Variants in RARB observed in about 807,000 individuals in gnomAD.
RARB encodes the protein HBV-activated protein.
RARB carries 17 observed loss-of-function variants against 51.9 expected under a neutral mutation model. That is an observed-to-expected ratio of 0.33 (90% CI 0.22 to 0.49). The LOEUF (loss-of-function observed/expected upper bound fraction) is 0.49. Ranked by LOEUF, RARB falls within the 20% of genes least tolerant of loss-of-function variation. RARB has a pLI of 0.99. For synonymous variants in RARB, 215 were observed against 195.4 expected, an observed-to-expected ratio of 1.10 and a Z score of -0.84; for missense variants, 369 against 550.8, an observed-to-expected ratio of 0.67 and a Z score of 3.30.
chr3:25,249,737 C>T (rs567338818), intron 5 of RARB, among the ~76,000 whole-genome samples: 1 of 126,246 alleles, frequency 7.9e-6, no homozygotes, highest in Non-Finnish European at 1.6e-5. Context: ...CTGTGATTTC[C>T]TTTCTTAGTT....
chr3:25,249,319 A>G (rs1309838089), intron 5 of RARB, among the ~76,000 whole-genome samples: 3 of 151,944 alleles, frequency 2.0e-5, no homozygotes, highest in African/African-American at 7.3e-5. Flanking sequence ...TAAATTTCTT[A>G]CTTATATCCT....
intron 4 of RARB, among the ~76,000 whole-genome samples, chr3:25,135,232 C>A (rs1205051841): frequency 2.6e-5 from 4 of 151,964 alleles, no homozygotes; most frequent in African/African-American, 9.6e-5. Flanking sequence ...AACTAAGGAA[C>A]TGATTTTTAA....
At chr3:25,107,584 A>G (rs1272701088) in intron 3 of RARB, among the ~76,000 whole-genome samples, 1 of 152,192 alleles carries the variant, frequency 6.6e-6, no homozygotes, top group East Asian at 1.9e-4. Flanking sequence ...CAAGACCCCC[A>G]GTGGATGCCT....
intron 5 of RARB, among the ~76,000 whole-genome samples, chr3:25,223,386 G>A (rs73042359): frequency 1.5e-3 from 233 of 152,344 alleles, no homozygotes; most frequent in Non-Finnish European, 2.5e-3. Context: ...AATATTAAGT[G>A]TAGAGGCTAG....
At chr3:25,092,030 G>A (rs1293929146) in intron 3 of RARB, among the ~76,000 whole-genome samples, 2 of 152,112 alleles carry the variant, frequency 1.3e-5, no homozygotes, top group East Asian at 3.9e-4. Flanking sequence ...TGTAGTATTT[G>A]GATAATTGAA....
At chr3:24,919,564 C>T (rs1695177361) in intron 2 of RARB, among the ~76,000 whole-genome samples, 1 of 151,996 alleles carries the variant, frequency 6.6e-6, no homozygotes. Flanking sequence ...GTTCTTTCAC[C>T]ACGTGGCTGC....
chr3:25,310,013 A>G (rs1181452907), intron 5 of RARB, among the ~76,000 whole-genome samples: 1 of 152,212 alleles, frequency 6.6e-6, no homozygotes, highest in Non-Finnish European at 1.5e-5. Flanking sequence ...TGTTAGCAGC[A>G]TGGTAGTATT....
At chr3:25,236,564 G>A (rs1244091590) in intron 5 of RARB, among the ~76,000 whole-genome samples, 1 of 152,034 alleles carries the variant, frequency 6.6e-6, no homozygotes, top group Non-Finnish European at 1.5e-5. Flanking sequence ...AGGATGGAAG[G>A]AAAGAGAAGA....
intron 2 of RARB, among the ~76,000 whole-genome samples, chr3:24,911,964 A>C (rs1288050667): frequency 1.3e-5 from 2 of 152,232 alleles, no homozygotes; most frequent in Non-Finnish European, 2.9e-5. Context: ...AACACAGTAC[A>C]TAGGATTGCT....
intron 2 of RARB, among the ~76,000 whole-genome samples, chr3:24,884,607 A>G (rs1703234942): frequency 1.3e-5 from 2 of 152,110 alleles, no homozygotes. Context: ...TTCATTACCA[A>G]TTGCATTGTT....
At chr3:24,861,946 C>T (rs1001332041) in intron 2 of RARB, among the ~76,000 whole-genome samples, 1 of 152,210 alleles carries the variant, frequency 6.6e-6, no homozygotes, top group African/African-American at 2.4e-5. Context: ...TGTATAATTC[C>T]TTCCATGTAA....
chr3:25,485,897 G>A (rs1696443587), intron 2 of RARB, among the ~76,000 whole-genome samples: 1 of 152,144 alleles, frequency 6.6e-6, no homozygotes. Context: ...AAGGTCAGGA[G>A]TTCAATTTGA....
At chr3:25,384,321 T>G (rs1032688605) in intron 5 of RARB, among the ~76,000 whole-genome samples, 1 of 152,088 alleles carries the variant, frequency 6.6e-6, no homozygotes, top group Non-Finnish European at 1.5e-5. Flanking sequence ...TCCCTCCCTC[T>G]CTCCTAAGAG....
intron 2 of RARB, among the ~76,000 whole-genome samples, chr3:25,496,251 G>C (rs887321891): frequency 6.6e-6 from 1 of 152,170 alleles, no homozygotes; most frequent in Admixed American, 6.5e-5. Context: ...CTATTCAGCT[G>C]GTGTGTCCCA....
chr3:24,858,801 C>G (rs1404265985), intron 2 of RARB: 2 of 151,912 alleles, frequency 1.3e-5, no homozygotes, highest in Non-Finnish European at 2.9e-5. Flanking sequence ...TTTTGGGAGG[C>G]CGAGGCAGGT....
At chr3:25,184,686 A>G (rs1196762494) in intron 5 of RARB, among the ~76,000 whole-genome samples, 1 of 152,108 alleles carries the variant, frequency 6.6e-6, no homozygotes, top group Non-Finnish European at 1.5e-5. Flanking sequence ...GTTCATGATC[A>G]ATTTACATCA....
At chr3:24,835,695 C>T (rs1702336328) in intron 1 of RARB, among the ~76,000 whole-genome samples, 1 of 152,136 alleles carries the variant, frequency 6.6e-6, no homozygotes, top group Admixed American at 6.6e-5. Flanking sequence ...TAGTAGGGCA[C>T]CTCCCCAGTA....
intron 2 of RARB, among the ~76,000 whole-genome samples, chr3:25,051,364 G>A (rs1444419761): frequency 1.3e-5 from 2 of 151,872 alleles, no homozygotes; most frequent in East Asian, 1.9e-4. Context: ...AGGATTATAA[G>A]GAAAGAAAGA....
chr3:25,310,545 A>C (rs1470774562), intron 5 of RARB, among the ~76,000 whole-genome samples: 1 of 152,202 alleles, frequency 6.6e-6, no homozygotes, highest in Non-Finnish European at 1.5e-5. Flanking sequence ...TAGCAGACAA[A>C]ATGCAGTATG....
Sources: gnomAD v4.1 joint callset for allele counts (sites outside exome capture counted in the v4.1 genomes callset) on GRCh38, gnomAD v4.1.1 for gene constraint, MANE v1.5 for transcripts, NCBI Gene and HGNC (gene_info 2026-07-23, HGNC 2026-07-21) for gene names.